FKTN: variants seen among roughly 807,000 people sequenced by gnomAD.
FKTN encodes ribitol-5-phosphate transferase FKTN.
FKTN carries 47 observed loss-of-function variants against 58.6 expected under a neutral mutation model. That is an observed-to-expected ratio of 0.80 (90% CI 0.63 to 1.02). The LOEUF is 1.02. Among genes scored for constraint, FKTN ranks in the 50% least tolerant of loss-of-function variants. The pLI, the probability that FKTN is intolerant of heterozygous loss-of-function variation, is 0.00. For missense variants in FKTN, 516 were observed against 537.3 expected, an observed-to-expected ratio of 0.96 and a Z score of 0.39; for synonymous variants, 178 against 191.9, an observed-to-expected ratio of 0.93 and a Z score of 0.60.
chr9:105,567,603 T>C (rs967976573), intron 1 of FKTN, among the ~76,000 whole-genome samples: 39 of 152,204 alleles, frequency 2.6e-4, no homozygotes, highest in East Asian at 1.9e-4. Flanking sequence ...AGGACCTCTT[T>C]AAGGAGAAGT....
chr9:105,616,286 T>C (rs1830789027), intron 8 of FKTN, among the ~76,000 whole-genome samples: 1 of 152,182 alleles, frequency 6.6e-6, no homozygotes, highest in African/African-American at 2.4e-5. Context: ...TTTTTATAAT[T>C]ATAAAAAACC....
chr9:105,611,021 G>T (rs1369940246), intron 7 of FKTN, among the ~76,000 whole-genome samples: 1 of 152,020 alleles, frequency 6.6e-6, no homozygotes, highest in Non-Finnish European at 1.5e-5. Flanking sequence ...AGGAAAGTTG[G>T]AAATACCTGT....
At position 105,639,922 on chromosome 9, in the gene FKTN, T is replaced by A. The variant is rs1388078958; in HGVS notation, c.*4658T>A. 1 of 1,449,470 alleles carries A rather than the reference T, an allele frequency of 6.9e-7. No individual in the cohort carries two copies. Among genetic ancestry groups the A allele is most frequent in the Non-Finnish European group, 9.0e-7 (1 of 1,107,162 alleles). 89.8% of individuals were successfully genotyped at this position (1,449,470 alleles called of 1,614,324 possible). A position where few individuals can be genotyped will look rare whatever the true frequency, so the allele number is the denominator to read the frequency against. On this transcript the variant is annotated 3_prime_UTR_variant, in exon 11 of 11. Coordinates refer to ENST00000357998, the MANE Select transcript of FKTN (RefSeq NM_001079802.2). ...TCTAGCCTTTCCTAGATGTAAATCT[T>A]TACCTCCTTGTTAGTGAAATTAGAT...
chr9:105,559,384 A>C (rs1837833241), intron 1 of FKTN, among the ~76,000 whole-genome samples: 1 of 152,210 alleles, frequency 6.6e-6, no homozygotes, highest in East Asian at 1.9e-4. Context: ...ACAGAGAATA[A>C]AATTGTTAAT....
chr9:105,581,962 A>G (rs930388147), intron 3 of FKTN, among the ~76,000 whole-genome samples: 11 of 152,138 alleles, frequency 7.2e-5, no homozygotes, highest in East Asian at 1.9e-4. Flanking sequence ...TCTTTGACTC[A>G]GAAAGGGAAC....
At chr9:105,597,099 A>G (rs1232823934) in intron 4 of FKTN, among the ~76,000 whole-genome samples, 1 of 152,210 alleles carries the variant, frequency 6.6e-6, no homozygotes, top group East Asian at 1.9e-4. Flanking sequence ...TATATACAAT[A>G]TATCCTTGTT....
At chr9:105,590,152 G>T (rs903099312) in intron 3 of FKTN, among the ~76,000 whole-genome samples, 1 of 152,060 alleles carries the variant, frequency 6.6e-6, no homozygotes, top group Admixed American at 6.6e-5. Context: ...CCATGTGCTG[G>T]GGGGGGACCT....
chr9:105,575,308 C>T (rs535351242), intron 3 of FKTN, among the ~76,000 whole-genome samples, 171 bp downstream of exon 3: 4 of 152,250 alleles, frequency 2.6e-5, no homozygotes, highest in Admixed American at 6.5e-5. Context: ...TAATAGCACA[C>T]TAAAGACAGG....
Position 105,639,263 on chromosome 9 carries a change from C to T in FKTN, c.*3999C>T. ...TTCCCTCTTTCCTCCTTGTCTTCCACTATCATTAAGACCTGGGCTAGATCA... is the reference window on the plus strand; with the variant it reads ...TTCCCTCTTTCCTCCTTGTCTTCCATTATCATTAAGACCTGGGCTAGATCA... On this transcript the variant is annotated 3_prime_UTR_variant, in exon 11 of 11. Transcript: ENST00000357998. The T allele has an allele frequency of 1.0e-6, 1 of 985,368 alleles. No homozygotes were observed. Among genetic ancestry groups the T allele is most frequent in the Non-Finnish European group, 1.2e-6 (1 of 829,898 alleles). 61.0% of individuals were successfully genotyped at this position (985,368 alleles called of 1,614,324 possible). A position where few individuals can be genotyped will look rare whatever the true frequency, so the allele number is the denominator to read the frequency against.
intron 10 of FKTN, among the ~76,000 whole-genome samples, chr9:105,632,264 G>A (rs1246116717): frequency 6.6e-6 from 1 of 151,948 alleles, no homozygotes; most frequent in Non-Finnish European, 1.5e-5. Flanking sequence ...TCTGGGGACT[G>A]TTGTGGGGTG....
intron 3 of FKTN, among the ~76,000 whole-genome samples, chr9:105,593,259 T>C (rs1330895697): frequency 6.6e-6 from 1 of 152,116 alleles, no homozygotes; most frequent in Non-Finnish European, 1.5e-5. Flanking sequence ...CTACAGTCTT[T>C]TAAACAGTTA....
At chr9:105,592,247 T>G (rs1007255590) in intron 3 of FKTN, among the ~76,000 whole-genome samples, 1 of 152,228 alleles carries the variant, frequency 6.6e-6, no homozygotes. Flanking sequence ...TGCTTCCCTA[T>G]TAAATATGTT....
At chr9:105,575,307 A>G (rs1418714570) in intron 3 of FKTN, among the ~76,000 whole-genome samples, 170 bp downstream of exon 3, 1 of 152,236 alleles carries the variant, frequency 6.6e-6, no homozygotes, top group Non-Finnish European at 1.5e-5. Context: ...GTAATAGCAC[A>G]CTAAAGACAG....
Position 105,604,364 on chromosome 9 carries a change from G to A in FKTN, c.519G>A (p.Leu173=), listed in dbSNP as rs368158649. 1 of 1,614,100 alleles carries A rather than the reference G, an allele frequency of 6.2e-7. No homozygotes were observed. The highest frequency in any genetic ancestry group is 8.5e-7 in the Non-Finnish European group (1 of 1,179,992). The change falls in exon 6 of 11, where the codon TTG becomes TTA. Residue 173 remains leucine (L), a synonymous_variant. Coordinates refer to ENST00000357998, the MANE Select transcript of FKTN (RefSeq NM_001079802.2). ...AACTGGCCACTCATGCGATCCACTT[G>A]GTAGTCTTTCATGAGAGGAGTGGCA... ...ICKLATHAIH[L]VVFHERSGNY... is the part of the protein sequence containing the mutation.
At chr9:105,567,095 C>T (rs1839793056) in intron 1 of FKTN, among the ~76,000 whole-genome samples, 1 of 152,178 alleles carries the variant, frequency 6.6e-6, no homozygotes, top group Admixed American at 6.5e-5. Context: ...CAAAATTCAA[C>T]AACTCTTCAT....
Position 105,624,986 on chromosome 9 carries a change from C to T in FKTN, c.1172+4925C>T, listed in dbSNP as rs1289479464. Among the ~76,000 whole-genome samples, 4 of 152,196 alleles carry T rather than the reference C, an allele frequency of 2.6e-5. No homozygotes were observed. The South Asian group carries it at 6.2e-4, about 24-fold the overall frequency. ...GCGTACTTCACAGGGTATAATGCTT[C>T]GATTAAATACTGTGTAGTTACCTGA... On this transcript the variant is annotated intron_variant, in intron 10 of 10. Coordinates refer to ENST00000357998, the MANE Select transcript of FKTN (RefSeq NM_001079802.2).
chr9:105,632,534 T>C (rs930157750), intron 10 of FKTN, among the ~76,000 whole-genome samples: 1 of 151,968 alleles, frequency 6.6e-6, no homozygotes, highest in South Asian at 2.1e-4. Context: ...AAAACACTGT[T>C]GGTTCTGGGA....
intron 7 of FKTN, among the ~76,000 whole-genome samples, chr9:105,613,672 C>T (rs566857592): frequency 6.6e-6 from 1 of 152,148 alleles, no homozygotes; most frequent in East Asian, 1.9e-4. Flanking sequence ...TCTTTACAGT[C>T]TAGTGGAGGG....
At chr9:105,618,974 G>T (rs1281871642) in intron 9 of FKTN, among the ~76,000 whole-genome samples, 2 of 152,010 alleles carry the variant, frequency 1.3e-5, no homozygotes, top group African/African-American at 4.8e-5. Context: ...CAGGAGAATG[G>T]CGTGAACCTG....
Sources: allele counts gnomAD v4.1 joint callset (sites outside exome capture counted in the v4.1 genomes callset), GRCh38; gene constraint gnomAD v4.1.1; transcripts MANE v1.5; gene names NCBI Gene and HGNC (gene_info 2026-07-23, HGNC 2026-07-21).